The following CADPS2 variants were observed in gnomAD, a reference collection of about 807,000 sequenced individuals.
The protein encoded by CADPS2 is calcium-dependent secretion activator 2.
Under a neutral mutation model 172.5 loss-of-function variants are expected in CADPS2, and 93 were observed. The ratio of observed to expected loss-of-function variants is 0.54; its 90% confidence interval spans 0.46 to 0.64. CADPS2 has a LOEUF of 0.64. Among genes scored for constraint, CADPS2 ranks in the 30% least tolerant of loss-of-function variants. The probability of loss-of-function intolerance (pLI) is 0.00; values close to 1 mark genes in which losing one functional copy is unlikely to be tolerated. For synonymous variants in CADPS2, 546 were observed against 555.2 expected (o/e 0.98, Z 0.23); for missense variants, 1,420 against 1,565.9 (o/e 0.91, Z 1.57).
chr7:122,424,456 CAA>C, intron 17 of CADPS2: 1 of 287,190 alleles, frequency 3.5e-6, no homozygotes, highest in Non-Finnish European at 5.2e-6. Flanking sequence ...CTCCATAAGC[CAA>C]CAGTAAGTGC....
chr7:122,707,860 G>A (rs1231936550), intron 2 of CADPS2, among the ~76,000 whole-genome samples: 3 of 150,802 alleles, frequency 2.0e-5, no homozygotes, highest in Admixed American at 1.3e-4. Flanking sequence ...ATATATTACT[G>A]GTTAAAAAAA....
intron 1 of CADPS2, among the ~76,000 whole-genome samples, chr7:122,753,548 G>A (rs979403122): frequency 2.6e-5 from 4 of 152,130 alleles, no homozygotes; most frequent in Admixed American, 2.6e-4. Context: ...TTAAATAATG[G>A]TTTAGTGATA....
At chr7:122,521,353 C>A (rs2060776858) in intron 8 of CADPS2, among the ~76,000 whole-genome samples, 1 of 152,002 alleles carries the variant, frequency 6.6e-6, no homozygotes, top group South Asian at 2.1e-4. Flanking sequence ...CCAATAGGGA[C>A]CAAATGCCCT....
intron 2 of CADPS2, chr7:122,676,438 C>G: frequency 2.7e-6 from 1 of 368,604 alleles, no homozygotes; most frequent in Middle Eastern, 6.9e-4. Context: ...GTTTGCTTAC[C>G]CTTCAACTTT....
At chr7:122,659,068 C>T (rs560789392) in intron 3 of CADPS2, among the ~76,000 whole-genome samples, 1 of 151,824 alleles carries the variant, frequency 6.6e-6, no homozygotes, top group African/African-American at 2.4e-5. Flanking sequence ...TGGCTTACAA[C>T]AAAAAATTAT....
At chr7:122,834,509 A>G (rs1392270974) in intron 1 of CADPS2, among the ~76,000 whole-genome samples, 1 of 152,136 alleles carries the variant, frequency 6.6e-6, no homozygotes, top group African/African-American at 2.4e-5. Flanking sequence ...CGGGGAGCAC[A>G]AGGGGTAAGG....
chr7:122,720,083 A>G (rs2090179533), intron 2 of CADPS2, among the ~76,000 whole-genome samples: 1 of 152,092 alleles, frequency 6.6e-6, no homozygotes, highest in African/African-American at 2.4e-5. Context: ...CTATTTCAAT[A>G]CCAAATAATC....
chr7:122,594,696 C>G (rs943080869), intron 6 of CADPS2, among the ~76,000 whole-genome samples: 1 of 151,814 alleles, frequency 6.6e-6, no homozygotes, highest in South Asian at 2.1e-4. Context: ...ATTTTCCTTT[C>G]TCTCCCTCAT....
intron 14 of CADPS2, among the ~76,000 whole-genome samples, chr7:122,463,772 AG>A (rs1352345083): frequency 6.6e-6 from 1 of 152,178 alleles, no homozygotes; most frequent in African/African-American, 2.4e-5. Context: ...ACTATAGCCT[AG>A]TTGGTGAATT....
rs1227142005 is a variant in CADPS2, at chr7:122,759,071, G to A, written c.340-22003C>T. On this transcript the variant is annotated intron_variant, in intron 1 of 29. Coordinates refer to ENST00000449022, the MANE Select transcript of CADPS2 (RefSeq NM_017954.11). ...AAAAAAATCTTCAGTTTCAGAGCAG[G>A]AAACTACATTTCTATGAAGTTGAGT... is the stretch of plus-strand genomic sequence containing the variant. Among the ~76,000 whole-genome samples, 5 of 152,046 alleles carry A rather than the reference G, an allele frequency of 3.3e-5. No individual in the cohort carries two copies. In the East Asian group the frequency reaches 9.7e-4, roughly 29 times the overall value.
At chr7:122,778,034 T>C (rs2093938749) in intron 1 of CADPS2, among the ~76,000 whole-genome samples, 1 of 151,924 alleles carries the variant, frequency 6.6e-6, no homozygotes, top group Non-Finnish European at 1.5e-5. Flanking sequence ...TCCTAGAGAC[T>C]TCGGGGGCTC....
chr7:122,466,462 G>A (rs2055153419), intron 14 of CADPS2, among the ~76,000 whole-genome samples: 1 of 152,138 alleles, frequency 6.6e-6, no homozygotes, highest in Non-Finnish European at 1.5e-5. Context: ...GGAGGTCCCA[G>A]AACTTCAGCA....
chr7:122,681,946 T>G (rs867956866), intron 2 of CADPS2, among the ~76,000 whole-genome samples: 19 of 152,038 alleles, frequency 1.2e-4, no homozygotes, highest in African/African-American at 4.3e-4. Flanking sequence ...TGGAAAATAA[T>G]ACATACACAT....
At chr7:122,595,004 C>G (rs923005921) in intron 6 of CADPS2, among the ~76,000 whole-genome samples, 8 of 151,862 alleles carry the variant, frequency 5.3e-5, no homozygotes, top group Non-Finnish European at 1.2e-4. Context: ...ATGAGCACAA[C>G]TATACTGTAT....
intron 1 of CADPS2, among the ~76,000 whole-genome samples, chr7:122,814,085 C>T (rs1800720739): frequency 6.6e-6 from 1 of 151,648 alleles, no homozygotes; most frequent in Non-Finnish European, 1.5e-5. Context: ...GTAACTTGGC[C>T]CAGATAGCAT....
Position 122,513,242 on chromosome 7 carries a change from G to A in CADPS2, c.1542+7C>T. The A allele has an allele frequency of 1.3e-6, 2 of 1,550,046 alleles. No homozygotes were observed. Among genetic ancestry groups the A allele is most frequent in the Admixed American group, 1.9e-5 (1 of 51,652 alleles). Reference sequence around the variant, plus strand: ...GAGTGATTATTTAACAGGAAAAAATGACTAACCTGAACTAGAACAAAGTAA... The same window carrying A: ...GAGTGATTATTTAACAGGAAAAAATAACTAACCTGAACTAGAACAAAGTAA... On this transcript the variant is annotated splice_region_variant and intron_variant, in intron 9 of 29. Coordinates refer to ENST00000449022, the MANE Select transcript of CADPS2 (RefSeq NM_017954.11).
intron 4 of CADPS2, among the ~76,000 whole-genome samples, chr7:122,625,185 G>A (rs1418365175): frequency 6.6e-6 from 1 of 152,028 alleles, no homozygotes; most frequent in Non-Finnish European, 1.5e-5. Flanking sequence ...TGAGTAGCTG[G>A]GATTACAGGC....
At chr7:122,554,013 G>GAT (rs558262902) in intron 8 of CADPS2, among the ~76,000 whole-genome samples, 139 of 152,164 alleles carry the variant, frequency 9.1e-4, no homozygotes, top group African/African-American at 3.2e-3. Context: ...TGATCCCCAG[G>GAT]AGACAGTCCC....
At chr7:122,702,310 C>T (rs756435467) in intron 2 of CADPS2, 11 of 1,613,684 alleles carry the variant, frequency 6.8e-6, no homozygotes, top group African/African-American at 4.0e-5. Flanking sequence ...CTATATTTTC[C>T]GTCCCCTGGT....
Sources: allele counts gnomAD v4.1 joint callset (sites outside exome capture counted in the v4.1 genomes callset), GRCh38; gene constraint gnomAD v4.1.1; transcripts MANE v1.5; gene names NCBI Gene and HGNC (gene_info 2026-07-23, HGNC 2026-07-21).